Variants in EPHB3 observed in about 807,000 individuals in gnomAD.
The protein encoded by EPHB3 is EPH receptor B3, also known as ephrin type-B receptor 3.
In EPHB3, 33 loss-of-function variants were observed where a neutral mutation model predicts 100.2. That is an observed-to-expected ratio of 0.33 (90% CI 0.25 to 0.44). The LOEUF is 0.44. Ranked by LOEUF, EPHB3 falls within the 20% of genes least tolerant of loss-of-function variation. The probability of loss-of-function intolerance (pLI) is 1.00; values close to 1 mark genes in which losing one functional copy is unlikely to be tolerated. For missense variants in EPHB3, 1,045 were observed against 1,378.3 expected (o/e 0.76, Z 3.83); for synonymous variants, 526 against 554.7 (o/e 0.95, Z 0.73).
intron 15 of EPHB3, 38 bp downstream of exon 15, chr3:184,581,446 G>A: frequency 6.3e-7 from 1 of 1,587,446 alleles, no homozygotes; most frequent in Non-Finnish European, 8.6e-7. Context: ...AGGGCAGGGG[G>A]CCCTAGGCTG....
At chr3:184,575,346 T>C in intron 3 of EPHB3, 1 of 586,102 alleles carries the variant, frequency 1.7e-6, no homozygotes, top group Non-Finnish European at 2.2e-6. Context: ...GCCTGGTGGG[T>C]GGGGCGAGAG....
At position 184,578,349 on chromosome 3, in the gene EPHB3, G is replaced by T. The variant is rs1714734872; in HGVS notation, c.1749-65G>T. On this transcript the variant is annotated intron_variant, in intron 8 of 15. Transcript: ENST00000330394. This position sits in a 1 kb window ranked among gnomAD's most constrained non-coding sequence, Gnocchi z 4.7. ...CTCCGCCCCTTCTGTGAGCCCAAGG[G>T]TGCCCTGAACAAAGGGAGGCAGATG... 1 of 1,609,628 alleles carries T rather than the reference G, an allele frequency of 6.2e-7. No homozygotes were observed. The highest frequency in any genetic ancestry group is 1.3e-5 in the African/African-American group (1 of 74,822).
rs1331738732 is a variant in EPHB3, at chr3:184,572,370, C to T, written c.184-134C>T. The T allele has an allele frequency of 5.9e-6, 6 of 1,009,350 alleles. No individual in the cohort carries two copies. The highest frequency in any genetic ancestry group is 8.0e-6 in the Non-Finnish European group (6 of 749,064). 62.5% of individuals were successfully genotyped at this position (1,009,350 alleles called of 1,614,324 possible). A position where few individuals can be genotyped will look rare whatever the true frequency, so the allele number is the denominator to read the frequency against. The stretch of plus-strand genomic sequence containing the variant: ...CAGGCAGAGAGCTGGAATTTGAGCC[C>T]ATATAGCCTGTATGCTCAGCCACTG... On this transcript the variant is annotated intron_variant, in intron 2 of 15. Coordinates refer to ENST00000330394, the MANE Select transcript of EPHB3 (RefSeq NM_004443.4). This position sits in a 1 kb window ranked among gnomAD's most constrained non-coding sequence, Gnocchi z 6.6.
rs760161735 is a variant in EPHB3 at position 184,577,064 on chromosome 3, T to A, written c.1235T>A (p.Ile412Asn). 1 of 1,613,726 alleles carries A rather than the reference T, an allele frequency of 6.2e-7. No homozygotes were observed. Among genetic ancestry groups the A allele is most frequent in the East Asian group, 2.2e-5 (1 of 44,882 alleles). Reference protein sequence around the residue: ...QLGLTERRVHISHLLAHTRYT... With the variant: ...QLGLTERRVHNSHLLAHTRYT... ...GGCCTGACGGAGCGCCGGGTCCACA[T>A]CAGCCATCTGCTGGCCCACACGCGC... Residue 412 changes from isoleucine to asparagine, a missense_variant, in exon 5 of 16, where the codon ATC becomes AAC. Ile to Asn is a moderately radical substitution (Grantham distance 149, BLOSUM62 -3). This residue lies in a region of EPHB3 where 985 missense variants were observed against 1,331.1 expected (regional missense o/e 0.74). Transcript: ENST00000330394. This position sits in a 1 kb window ranked among gnomAD's most constrained non-coding sequence, Gnocchi z 4.9.
rs372198999 is a variant in EPHB3 at position 184,581,349 on chromosome 3, G to A, written c.2829G>A (p.Lys943=). The part of the protein sequence containing the change: ...WLDAIKMGRY[K]ESFVSAGFAS... ...ATGCCATCAAGATGGGGCGGTACAA[G>A]GAGAGCTTCGTCAGTGCGGGGTTTG... The change falls in exon 15 of 16, where the codon AAG becomes AAA. Residue 943 remains lysine (K), a synonymous_variant. Transcript: ENST00000330394. 429 of 1,609,734 alleles carry A rather than the reference G, an allele frequency of 2.7e-4. 1 individual carries two copies. In the Middle Eastern group the frequency reaches 3.0e-3, roughly 11 times the overall value.
intron 1 of EPHB3, among the ~76,000 whole-genome samples, chr3:184,568,595 C>T (rs1206936476): frequency 1.3e-5 from 2 of 150,668 alleles, no homozygotes; most frequent in Admixed American, 1.3e-4. Flanking sequence ...TTCTATGACC[C>T]CCCCCCCACA....
In EPHB3 at chr3:184,562,300, C is replaced by CGCT. The variant is rs771069268; in HGVS notation, c.77_79dup (p.Leu26dup). The CGCT allele has an allele frequency of 2.0e-5, 25 of 1,249,428 alleles. No homozygotes were observed. The East Asian group carries it at 5.1e-4, about 26-fold the overall frequency. 77.4% of individuals were successfully genotyped at this position (1,249,428 alleles called of 1,614,324 possible). On this transcript the variant is annotated inframe_insertion, in exon 1 of 16. Coordinates refer to ENST00000330394, the MANE Select transcript of EPHB3 (RefSeq NM_004443.4). The surrounding 1 kb of genome is among the most constrained non-coding windows in gnomAD (Gnocchi z 4.8). ...CCGGGGCTTCTGCCGCTGCTCCCTC[C>CGCT]GCTGCTGCTGCTGCCGCTGCTGCTG...
chr3:184,576,945 G>A lies in EPHB3; in HGVS notation c.1116G>A (p.Leu372=), dbSNP rs1359515467. ...ACCTGGGTGGCCGGGATGACCTCCTGTACAATGTCATCTGCAAGAAGTGCC... is the reference window on the plus strand; with the variant it reads ...ACCTGGGTGGCCGGGATGACCTCCTATACAATGTCATCTGCAAGAAGTGCC... The part of the protein sequence containing the change: ...PRDLGGRDDL[L]YNVICKKCHG... The change falls in exon 5 of 16, where the codon CTG becomes CTA. Residue 372 remains leucine (L), a synonymous_variant. Coordinates refer to ENST00000330394, the MANE Select transcript of EPHB3 (RefSeq NM_004443.4). 1.9e-6 allele frequency: 3 copies of A among 1,611,518 alleles called. No individual in the cohort carries two copies. The African/African-American group carries it at 4.0e-5, about 22-fold the overall frequency.
chr3:184,579,484 T>C lies in EPHB3; in HGVS notation c.1809T>C (p.Pro603=). 6.2e-7 allele frequency: 1 copy of C among 1,613,354 alleles called. No individual in the cohort carries two copies. The highest frequency in any genetic ancestry group is 8.5e-7 in the Non-Finnish European group (1 of 1,179,446). Residue 603 remains proline (P), a synonymous_variant, in exon 10 of 16, where the codon CCT becomes CCC. Transcript: ENST00000330394. This position sits in a 1 kb window ranked among gnomAD's most constrained non-coding sequence, Gnocchi z 5.2. The part of the protein sequence containing the change: ...YTEKLQQYIA[P]GMKVYIDPFT... ...CACCTCTTCTCCCTCCAGTTGCTCCTGGAATGAAGGTTTATATTGACCCTT... is the reference window on the plus strand; with the variant it reads ...CACCTCTTCTCCCTCCAGTTGCTCCCGGAATGAAGGTTTATATTGACCCTT...
rs768390764 is a variant in EPHB3, at chr3:184,575,934, C to T, written c.961C>T (p.His321Tyr). 1 of 1,613,976 alleles carries T rather than the reference C, an allele frequency of 6.2e-7. No homozygotes were observed. Among genetic ancestry groups the T allele is most frequent in the Non-Finnish European group, 8.5e-7 (1 of 1,179,920 alleles). The change falls in exon 4 of 16, where the codon CAC becomes TAC. Residue 321 changes from histidine to tyrosine, a missense_variant. Physicochemically the swap from His to Tyr is moderately conservative, Grantham distance 83. Around this residue, in one of 2 missense-constraint regions of EPHB3, gnomAD observed 985 missense variants for 1,331.1 expected, o/e 0.74. Transcript: ENST00000330394. ...TSPAASICTCHNNFYRADSDS... is the reference protein window; with the variant it reads ...TSPAASICTCYNNFYRADSDS... ...CCCAGCCGCCAGCATCTGCACCTGC[C>T]ACAATAACTTCTACCGTGCAGACTC...
intron 3 of EPHB3, among the ~76,000 whole-genome samples, chr3:184,574,209 C>T (rs1357416722): frequency 1.3e-5 from 2 of 152,222 alleles, no homozygotes; most frequent in Admixed American, 6.5e-5. Flanking sequence ...CTGGCATCCA[C>T]GAGAGCTGGG....
In EPHB3 at chr3:184,562,461, C is replaced by T; in HGVS notation, c.118+108C>T. The T allele has an allele frequency of 2.7e-6, 3 of 1,116,380 alleles. No homozygotes were observed. Among genetic ancestry groups the T allele is most frequent in the Non-Finnish European group, 3.3e-6 (3 of 912,926 alleles). 69.2% of individuals were successfully genotyped at this position (1,116,380 alleles called of 1,614,324 possible). ...ATTGAGCGCACGTCGGAGGAGGCCC[C>T]GCCACCGGCGCCCGCTCCGGGGCCC... On this transcript the variant is annotated intron_variant, in intron 1 of 15. Coordinates refer to ENST00000330394, the MANE Select transcript of EPHB3 (RefSeq NM_004443.4). The surrounding 1 kb of genome is among the most constrained non-coding windows in gnomAD (Gnocchi z 4.8).
In EPHB3 at chr3:184,572,752, C is replaced by A. The variant is rs1340521454; in HGVS notation, c.432C>A (p.Ala144=). ...YYEADSDVAS[A]SSPFWMENPY... is the part of the protein sequence containing the mutation. Reference sequence around the variant, plus strand: ...AGGCTGACAGCGATGTGGCCTCAGCCTCCTCCCCCTTCTGGATGGAGAACC... The same window carrying A: ...AGGCTGACAGCGATGTGGCCTCAGCATCCTCCCCCTTCTGGATGGAGAACC... Residue 144 remains alanine, a synonymous_variant, in exon 3 of 16, where the codon GCC becomes GCA. Transcript: ENST00000330394. This position sits in a 1 kb window ranked among gnomAD's most constrained non-coding sequence, Gnocchi z 6.6. 7 of 1,612,452 alleles carry A rather than the reference C, an allele frequency of 4.3e-6. No individual in the cohort carries two copies. The highest frequency in any genetic ancestry group is 4.2e-6 in the Non-Finnish European group (5 of 1,179,568).
In EPHB3 at chr3:184,579,611, G is replaced by A. The variant is rs772641316; in HGVS notation, c.1924+12G>A. On this transcript the variant is annotated intron_variant, in intron 10 of 15. Coordinates refer to ENST00000330394, the MANE Select transcript of EPHB3 (RefSeq NM_004443.4). The surrounding 1 kb of genome is among the most constrained non-coding windows in gnomAD (Gnocchi z 5.2). Reference sequence around the variant, plus strand: ...GGTGATCGGAGCTGGTGAGTCTCCCGGGGCACAGTAGAGATGAGAAGCTGA... The same window carrying A: ...GGTGATCGGAGCTGGTGAGTCTCCCAGGGCACAGTAGAGATGAGAAGCTGA... 1.2e-5 allele frequency: 19 copies of A among 1,613,806 alleles called. No individual in the cohort carries two copies. The Middle Eastern group carries it at 5.0e-4, about 42-fold the overall frequency.
At chr3:184,564,009 C>T (rs972726880) in intron 1 of EPHB3, among the ~76,000 whole-genome samples, 14 of 152,180 alleles carry the variant, frequency 9.2e-5, no homozygotes, top group African/African-American at 3.4e-4. Context: ...CCCCCCTTCC[C>T]TTCCTTTCTG....
At chr3:184,580,254 T>C in intron 11 of EPHB3, 148 bp from the exon 12 acceptor site, 1 of 976,262 alleles carries the variant, frequency 1.0e-6, no homozygotes, top group Non-Finnish European at 1.6e-6. Context: ...TGACACATAG[T>C]AGGGCAGCTC....
rs1714312192 is a variant in EPHB3, at chr3:184,563,556, A to G, written c.118+1203A>G. 6.6e-6 allele frequency among the ~76,000 whole-genome samples: 1 copy of G among 152,228 alleles called. No homozygotes were observed. Among genetic ancestry groups the G allele is most frequent in the Admixed American group, 6.5e-5 (1 of 15,288 alleles). ...CCTCTGGTGCGTTCTAATGTTCTCCAGAGGAAAGACCTCCTATGATCCCCC... is the reference window on the plus strand; with the variant it reads ...CCTCTGGTGCGTTCTAATGTTCTCCGGAGGAAAGACCTCCTATGATCCCCC... On this transcript the variant is annotated intron_variant, in intron 1 of 15. Coordinates refer to ENST00000330394, the MANE Select transcript of EPHB3 (RefSeq NM_004443.4). The surrounding 1 kb of genome is among the most constrained non-coding windows in gnomAD (Gnocchi z 4.1).
intron 1 of EPHB3, among the ~76,000 whole-genome samples, chr3:184,564,240 G>A (rs1288426075): frequency 6.6e-6 from 1 of 152,216 alleles, no homozygotes; most frequent in African/African-American, 2.4e-5. Flanking sequence ...GCTACTCCCT[G>A]GCTGTGAGGC....
In EPHB3 at chr3:184,573,210, G is replaced by A. The variant is rs191532061; in HGVS notation, c.856+34G>A. On this transcript the variant is annotated intron_variant, in intron 3 of 15. Coordinates refer to ENST00000330394, the MANE Select transcript of EPHB3 (RefSeq NM_004443.4). This position sits in a 1 kb window ranked among gnomAD's most constrained non-coding sequence, Gnocchi z 4.5. ...GGACTGTCCTGGGGAAAGGGTTGTC[G>A]GGAGGGCCTGGGCCACAGCTACCTA... is the stretch of plus-strand genomic sequence containing the variant. The A allele has an allele frequency of 2.5e-6, 4 of 1,604,328 alleles. No homozygotes were observed. Among genetic ancestry groups the A allele is most frequent in the South Asian group, 2.2e-5 (2 of 91,016 alleles).
Sources: allele counts gnomAD v4.1 joint callset (sites outside exome capture counted in the v4.1 genomes callset), GRCh38; gene constraint gnomAD v4.1.1; regional missense constraint gnomAD v4.1.1; non-coding constraint Gnocchi (gnomAD v3.1); transcripts MANE v1.5; gene names NCBI Gene and HGNC (gene_info 2026-07-23, HGNC 2026-07-21).